Variants in GRK4 observed in about 807,000 individuals in gnomAD.
The protein encoded by GRK4 is G protein-coupled receptor kinase 2-like.
GRK4 carries 73 observed loss-of-function variants against 77.9 expected under a neutral mutation model. The ratio of observed to expected loss-of-function variants is 0.94; its 90% CI spans 0.78 to 1.14. The LOEUF is 1.14. Ranked by LOEUF, GRK4 falls within the 50% of genes most tolerant of loss-of-function variation. The pLI, the probability that GRK4 is intolerant of heterozygous loss-of-function variation, is 0.00. For missense variants in GRK4, 729 were observed against 700.2 expected, an observed-to-expected ratio of 1.04 and a Z score of -0.46; for synonymous variants, 257 against 254.4, an observed-to-expected ratio of 1.01 and a Z score of -0.10.
Position 3,004,298 on chromosome 4 carries a change from AG to A in GRK4, c.408del (p.Asn137ThrfsTer18), listed in dbSNP as rs1730672458. 1 of 1,613,428 alleles carries A rather than the reference AG, an allele frequency of 6.2e-7. No homozygotes were observed. The highest frequency in any genetic ancestry group is 1.3e-5 in the African/African-American group (1 of 74,908). ...GAATGTAGATTGGGACTGAAGGAGGAGAACCCTTCCAAAAAAGCCTTTGAGG... is the reference window on the plus strand; with the variant it reads ...GAATGTAGATTGGGACTGAAGGAGGAAACCCTTCCAAAAAAGCCTTTGAGG... ...VTECRLGLKE[E>X]NPSKKAFEEC... On this transcript the variant is annotated frameshift_variant, in exon 5 of 16. Transcript: ENST00000398052. LOFTEE classifies it high-confidence loss of function.
At chr4:3,007,571 T>C (rs556103363) in intron 5 of GRK4, among the ~76,000 whole-genome samples, 165 bp from the exon 6 acceptor site, 8 of 152,382 alleles carry the variant, frequency 5.2e-5, no homozygotes, top group South Asian at 4.1e-4. Context: ...TTTTCACTTA[T>C]AGCGTTAGAA....
At chr4:3,010,312 C>T (rs557608324) in intron 7 of GRK4, among the ~76,000 whole-genome samples, 5 of 152,184 alleles carry the variant, frequency 3.3e-5, no homozygotes, top group Non-Finnish European at 5.9e-5. Context: ...CCACAACCTC[C>T]GCCTCCTGAG....
intron 7 of GRK4, among the ~76,000 whole-genome samples, chr4:3,012,215 G>T (rs1353071399): frequency 4.6e-5 from 7 of 152,184 alleles, no homozygotes; most frequent in Non-Finnish European, 8.8e-5. Flanking sequence ...TTAATGGTAA[G>T]AAAATGATTA....
At chr4:3,007,540 A>G (rs922771592) in intron 5 of GRK4, among the ~76,000 whole-genome samples, 196 bp from the exon 6 acceptor site, 3 of 152,132 alleles carry the variant, frequency 2.0e-5, no homozygotes, top group Admixed American at 6.6e-5. Context: ...TGCTTTTTTC[A>G]TTCATTCTAT....
At chr4:2,997,679 G>C (rs1309335117) in intron 4 of GRK4, among the ~76,000 whole-genome samples, 2 of 152,160 alleles carry the variant, frequency 1.3e-5, no homozygotes, top group African/African-American at 4.8e-5. Flanking sequence ...GGAGGCCGAG[G>C]TGGGCAGATC....
intron 1 of GRK4, among the ~76,000 whole-genome samples, chr4:2,982,237 C>T (rs886157265): frequency 4.6e-5 from 7 of 152,258 alleles, no homozygotes; most frequent in South Asian, 2.1e-4. Context: ...TCCTGGCTTC[C>T]GCCGGCACTG....
chr4:3,024,307 G>T (rs1021678883), intron 10 of GRK4, among the ~76,000 whole-genome samples: 1 of 152,128 alleles, frequency 6.6e-6, no homozygotes, highest in Non-Finnish European at 1.5e-5. Flanking sequence ...GCTGGGTGCA[G>T]TAGCTACTCA....
intron 1 of GRK4, among the ~76,000 whole-genome samples, chr4:2,982,777 A>G (rs1723198006): frequency 6.6e-6 from 1 of 152,226 alleles, no homozygotes; most frequent in Non-Finnish European, 1.5e-5. Context: ...CTTCTCTGGA[A>G]TGAGTTTCTG....
chr4:3,017,955 A>G (rs1034591386), intron 8 of GRK4, among the ~76,000 whole-genome samples: 1 of 152,176 alleles, frequency 6.6e-6, no homozygotes, highest in African/African-American at 2.4e-5. Flanking sequence ...TCAACATGAT[A>G]TTGGAAATTC....
intron 9 of GRK4, among the ~76,000 whole-genome samples, chr4:3,020,857 G>A (rs1735887335): frequency 6.6e-6 from 1 of 152,138 alleles, no homozygotes; most frequent in Admixed American, 6.5e-5. Flanking sequence ...TGAACATGTA[G>A]ACTTTGTTCT....
intron 15 of GRK4, among the ~76,000 whole-genome samples, chr4:3,039,890 G>C (rs563487071): frequency 1.4e-4 from 21 of 152,080 alleles, no homozygotes; most frequent in Non-Finnish European, 2.8e-4. Context: ...CCCGGTCCCA[G>C]TGTCCACACT....
In GRK4 at chr4:2,975,407, A is replaced by G. The variant is rs116472218; in HGVS notation, c.53-9106A>G. Among the ~76,000 whole-genome samples the G allele has an allele frequency of 4.2e-3, 646 of 152,226 alleles. 5 individuals carry two copies. The highest frequency in any genetic ancestry group is 0.012 in the African/African-American group (492 of 41,544). On this transcript the variant is annotated intron_variant, in intron 1 of 15. Coordinates refer to ENST00000398052, the MANE Select transcript of GRK4 (RefSeq NM_182982.3). The stretch of plus-strand genomic sequence containing the variant: ...AAGAACCAAATGATCTTCCCTCCTC[A>G]TACCTAATATACCGTGGGGGAGCAG...
chr4:3,033,149 G>A lies in GRK4; in HGVS notation c.1270-2237G>A, dbSNP rs571833422. 3.3e-5 allele frequency among the ~76,000 whole-genome samples: 5 copies of A among 152,322 alleles called. No homozygotes were observed. The South Asian group carries it at 8.3e-4, about 25-fold the overall frequency. On this transcript the variant is annotated intron_variant, in intron 12 of 15. Coordinates refer to ENST00000398052, the MANE Select transcript of GRK4 (RefSeq NM_182982.3). Reference sequence around the variant, plus strand: ...TATAATCTTAGCACTTTGGGAGGCTGAGGTGGGAGGATCACTTGAGCCAAG... The same window carrying A: ...TATAATCTTAGCACTTTGGGAGGCTAAGGTGGGAGGATCACTTGAGCCAAG...
At position 2,988,743 on chromosome 4, in the gene GRK4, T is replaced by C. The variant is rs752779015; in HGVS notation, c.165T>C (p.Ser55=). The stretch of plus-strand genomic sequence containing the variant: ...TTCACCCAGAAAAGGATTATAGCAG[T>C]CTTTGTGACAAGCAACCGATAGGAA... ...LRHSIEKDYS[S]LCDKQPIGRR... is the part of the protein sequence containing the mutation. The change falls in exon 3 of 16, where the codon AGT becomes AGC. Residue 55 remains serine, a synonymous_variant. Transcript: ENST00000398052. 4.9e-5 allele frequency: 78 copies of C among 1,607,872 alleles called. No individual in the cohort carries two copies. Among genetic ancestry groups the C allele is most frequent in the Non-Finnish European group, 6.3e-5 (74 of 1,174,484 alleles).
intron 2 of GRK4, among the ~76,000 whole-genome samples, chr4:2,988,001 G>A (rs933958347): frequency 6.7e-6 from 1 of 149,054 alleles, no homozygotes; most frequent in Non-Finnish European, 1.5e-5. Context: ...GCTTGAACCC[G>A]GGAGGTAGAG....
chr4:3,008,133 A>G (rs1342435428), intron 6 of GRK4, among the ~76,000 whole-genome samples: 1 of 152,268 alleles, frequency 6.6e-6, no homozygotes, highest in Non-Finnish European at 1.5e-5. Context: ...TTTGAGTTGT[A>G]TATGATATTT....
chr4:2,963,620 G>C lies in GRK4; in HGVS notation c.-451G>C. ...GGGGCGCTCCCTCTTCAGCTAAGCC[G>C]TTAGCGCCGAGCCCGCCCGGGAGCG... On this transcript the variant is annotated 5_prime_UTR_variant, in exon 1 of 16. Coordinates refer to ENST00000398052, the MANE Select transcript of GRK4 (RefSeq NM_182982.3). The C allele has an allele frequency of 2.5e-6, 1 of 403,550 alleles. No individual in the cohort carries two copies. Among genetic ancestry groups the C allele is most frequent in the Non-Finnish European group, 4.4e-6 (1 of 228,104 alleles). 25.0% of individuals were successfully genotyped at this position (403,550 alleles called of 1,614,324 possible).
chr4:3,004,398 C>T, intron 5 of GRK4, 64 bp downstream of exon 5: 1 of 1,041,246 alleles, frequency 9.6e-7, no homozygotes, highest in Non-Finnish European at 1.5e-6. Flanking sequence ...AGACAGCTTT[C>T]AGGAGGTTTC....
chr4:2,965,138 G>A, intron 1 of GRK4: 2 of 614,616 alleles, frequency 3.3e-6, no homozygotes, highest in Non-Finnish European at 5.8e-6. Flanking sequence ...TAAAAATCCT[G>A]CTTAGTCTTT....
Sources: allele counts gnomAD v4.1 joint callset (sites outside exome capture counted in the v4.1 genomes callset), GRCh38; gene constraint gnomAD v4.1.1; transcripts MANE v1.5; gene names NCBI Gene and HGNC (gene_info 2026-07-23, HGNC 2026-07-21).